STPG4: variants seen among roughly 807,000 people sequenced by gnomAD.
STPG4 encodes sperm-tail PG-rich repeat containing 4.
In STPG4, 41 loss-of-function variants were observed where a neutral mutation model predicts 31.5. That is an observed-to-expected ratio of 1.30 (90% confidence interval 1.01 to 1.69). The LOEUF is 1.69. STPG4 is among the 40% of genes most tolerant of loss of function. The probability of loss-of-function intolerance (pLI) is 0.00; values close to 1 mark genes in which losing one functional copy is unlikely to be tolerated. For missense variants in STPG4, 375 were observed against 293.4 expected (o/e 1.28, Z -2.03); for synonymous variants, 141 against 103.0 (o/e 1.37, Z -2.24).
intron 5 of STPG4, among the ~76,000 whole-genome samples, chr2:47,105,391 G>C (rs890576053): frequency 2.6e-5 from 4 of 151,982 alleles, no homozygotes; most frequent in African/African-American, 4.8e-5. Flanking sequence ...TGGCATACTA[G>C]GTGCCAAAGG....
intron 3 of STPG4, among the ~76,000 whole-genome samples, chr2:47,142,606 G>A (rs1686737626): frequency 6.6e-6 from 1 of 152,034 alleles, no homozygotes; most frequent in African/African-American, 2.4e-5. Flanking sequence ...AAAATTAATA[G>A]TCTCCTTGCT....
At chr2:47,134,951 A>T (rs958969199) in intron 3 of STPG4, among the ~76,000 whole-genome samples, 2 of 152,192 alleles carry the variant, frequency 1.3e-5, no homozygotes, top group African/African-American at 4.8e-5. Flanking sequence ...ATGACATATG[A>T]TGTGAAACGT....
rs980569503 is a variant in STPG4, at chr2:47,152,858, T to G, written c.141+99A>C. Reference sequence around the variant, plus strand: ...TCCATGCAGATCTGAACAATCACTGTTTTCTTACAATTTAGTGTTAGTCTT... The same window carrying G: ...TCCATGCAGATCTGAACAATCACTGGTTTCTTACAATTTAGTGTTAGTCTT... On this transcript the variant is annotated intron_variant, in intron 2 of 6. Transcript: ENST00000445927. 5.9e-6 allele frequency: 5 copies of G among 847,968 alleles called. No individual in the cohort carries two copies. The African/African-American group carries it at 8.8e-5, about 15-fold the overall frequency. 52.5% of individuals were successfully genotyped at this position (847,968 alleles called of 1,614,324 possible). A position where few individuals can be genotyped will look rare whatever the true frequency, so the allele number is the denominator to read the frequency against.
intron 5 of STPG4, among the ~76,000 whole-genome samples, chr2:47,096,232 T>C (rs1685666613): frequency 6.6e-6 from 1 of 151,936 alleles, no homozygotes; most frequent in Non-Finnish European, 1.5e-5. Flanking sequence ...GTGTGGGGAG[T>C]ATCACACAAA....
chr2:47,129,989 A>T lies in STPG4; in HGVS notation c.471T>A (p.Cys157Ter). 6.4e-7 allele frequency: 1 copy of T among 1,563,542 alleles called. No homozygotes were observed. Residue 157 changes from cysteine to a stop codon, truncating the protein, a stop_gained, in exon 5 of 7, where the codon TGT (cysteine) becomes TGA (stop). Transcript: ENST00000445927. LOFTEE classifies it high-confidence loss of function. ...ATCTTTGAACTGTTGAGCGAAATACACAGCTCCTATATTTCAAAATAAAAA... is the reference window on the plus strand; with the variant it reads ...ATCTTTGAACTGTTGAGCGAAATACTCAGCTCCTATATTTCAAAATAAAAA... ...APVPKYASRS[C>*]VFRSTVQRFP...
intron 5 of STPG4, among the ~76,000 whole-genome samples, chr2:47,093,973 G>C (rs1685623051): frequency 6.6e-6 from 1 of 152,230 alleles, no homozygotes; most frequent in South Asian, 2.1e-4. Context: ...TGGACAGATG[G>C]CTCGGGATGT....
At chr2:47,105,178 G>A (rs1416333328) in intron 5 of STPG4, among the ~76,000 whole-genome samples, 1 of 151,918 alleles carries the variant, frequency 6.6e-6, no homozygotes, top group African/African-American at 2.4e-5. Context: ...CACAGAGAGA[G>A]CCGGGATAGC....
chr2:47,153,012 G>A lies in STPG4; in HGVS notation c.86C>T (p.Pro29Leu), dbSNP rs1380107613. 6.2e-7 allele frequency: 1 copy of A among 1,609,826 alleles called. No individual in the cohort carries two copies. Residue 29 changes from proline to leucine, a missense_variant, in exon 2 of 7, where the codon CCA (proline) becomes CTA (leucine). Transcript: ENST00000445927. The part of the protein sequence containing the change: ...GGESFITASK[P>L]AQKTSSFERE... The stretch of plus-strand genomic sequence containing the variant: ...TTCAAAAGAGGAAGTCTTTTGGGCT[G>A]GTTTCTGTTAACAAACACAAAGTAT...
At chr2:47,117,843 A>G (rs368344286) in intron 5 of STPG4, among the ~76,000 whole-genome samples, 1 of 152,168 alleles carries the variant, frequency 6.6e-6, no homozygotes, top group East Asian at 1.9e-4. Context: ...CAAAGGGGTC[A>G]AGTGGGGAAA....
intron 5 of STPG4, among the ~76,000 whole-genome samples, chr2:47,112,007 C>G (rs982664661): frequency 2.6e-5 from 4 of 152,202 alleles, no homozygotes; most frequent in Non-Finnish European, 5.9e-5. Context: ...AATAGCTCCT[C>G]TATATCAAGA....
intron 3 of STPG4, among the ~76,000 whole-genome samples, chr2:47,132,568 T>C (rs1267182650): frequency 6.6e-6 from 1 of 152,212 alleles, no homozygotes; most frequent in East Asian, 1.9e-4. Context: ...CCTGTGCTGC[T>C]TGAGTGCTCA....
At chr2:47,093,182 T>G (rs12467468) in intron 5 of STPG4, among the ~76,000 whole-genome samples, 2 of 152,188 alleles carry the variant, frequency 1.3e-5, no homozygotes, top group South Asian at 2.1e-4. Context: ...TACTCCACCA[T>G]GAATGGAGTC....
At chr2:47,094,949 G>T (rs189489840) in intron 5 of STPG4, among the ~76,000 whole-genome samples, 40 of 152,294 alleles carry the variant, frequency 2.6e-4, no homozygotes, top group African/African-American at 7.2e-5. Context: ...GGCTGGGACT[G>T]GTTAATCTGT....
chr2:47,129,639 G>A (rs1420630576), intron 5 of STPG4: 3 of 280,482 alleles, frequency 1.1e-5, no homozygotes, highest in Non-Finnish European at 2.0e-5. Context: ...TTCATGCCAC[G>A]TGGCTGCTGC....
At chr2:47,116,665 G>A (rs1228352606) in intron 5 of STPG4, among the ~76,000 whole-genome samples, 1 of 152,104 alleles carries the variant, frequency 6.6e-6, no homozygotes, top group African/African-American at 2.4e-5. Flanking sequence ...CCTAATTCTT[G>A]TCTCATTTAT....
At chr2:47,154,800 T>C (rs1336944688) in intron 1 of STPG4, among the ~76,000 whole-genome samples, 1 of 152,144 alleles carries the variant, frequency 6.6e-6, no homozygotes, top group African/African-American at 2.4e-5. Context: ...AAAACGTGTC[T>C]AGTAAAACTA....
intron 5 of STPG4, among the ~76,000 whole-genome samples, chr2:47,121,978 T>C (rs939098855): frequency 6.6e-6 from 1 of 151,824 alleles, no homozygotes; most frequent in Non-Finnish European, 1.5e-5. Context: ...CCATGTAAGG[T>C]AACATCCATA....
chr2:47,092,954 G>C (rs919618917), intron 5 of STPG4, among the ~76,000 whole-genome samples: 3 of 152,142 alleles, frequency 2.0e-5, no homozygotes, highest in Admixed American at 6.5e-5. Context: ...CACCAAGCCT[G>C]GCTAATGTTT....
chr2:47,110,177 G>A (rs966248221), intron 5 of STPG4, among the ~76,000 whole-genome samples: 1 of 152,136 alleles, frequency 6.6e-6, no homozygotes, highest in Non-Finnish European at 1.5e-5. Flanking sequence ...AACATCATAC[G>A]AATGACTGAG....
Sources: allele counts gnomAD v4.1 joint callset (sites outside exome capture counted in the v4.1 genomes callset), GRCh38; gene constraint gnomAD v4.1.1; transcripts MANE v1.5; gene names NCBI Gene and HGNC (gene_info 2026-07-23, HGNC 2026-07-21).